The following WDR33 variants were observed in gnomAD, a reference collection of about 807,000 sequenced individuals.
The protein encoded by WDR33 is pre-mRNA 3' end processing protein WDR33.
In WDR33, 47 loss-of-function variants were observed where a neutral mutation model predicts 164.9. The observed-to-expected ratio is 0.29, with a 90% CI of 0.23 to 0.36. WDR33 has a LOEUF of 0.36. WDR33 is among the 10% of genes least tolerant of loss of function. WDR33 has a pLI of 1.00. For missense variants in WDR33, 1,137 were observed against 1,754.1 expected, an observed-to-expected ratio of 0.65 and a Z score of 6.28; for synonymous variants, 505 against 589.0, an observed-to-expected ratio of 0.86 and a Z score of 2.06.
At chr2:127,760,660 C>G (rs1245974375) in intron 7 of WDR33, among the ~76,000 whole-genome samples, 2 of 152,170 alleles carry the variant, frequency 1.3e-5, no homozygotes, top group African/African-American at 2.4e-5. Context: ...CTACAGCAGA[C>G]CTGCTATCAG....
Position 127,719,285 on chromosome 2 carries a change from G to A in WDR33, c.2740C>T (p.Pro914Ser), listed in dbSNP as rs745318103. 10 of 1,447,064 alleles carry A rather than the reference G, an allele frequency of 6.9e-6. No homozygotes were observed. The highest frequency in any genetic ancestry group is 9.1e-6 in the Non-Finnish European group (10 of 1,098,634). The allele number at this position is 1,447,064 out of a possible 1,614,324, so 89.6% of individuals were successfully genotyped here. A position where few individuals can be genotyped will look rare whatever the true frequency, so the allele number is the denominator to read the frequency against. The change falls in exon 16 of 22, where the codon CCC becomes TCC. Residue 914 changes from proline (P) to serine (S), a missense_variant. Pro to Ser is a moderately conservative substitution (Grantham distance 74). Around this residue, in one of 9 missense-constraint regions of WDR33, gnomAD observed 867 missense variants for 1,073.0 expected, o/e 0.81. Coordinates refer to ENST00000322313, the MANE Select transcript of WDR33 (RefSeq NM_018383.5). The surrounding 1 kb of genome is among the most constrained non-coding windows in gnomAD (Gnocchi z 6.5). ...QQKTPLLGDGPRAPFNQEGQS... is the reference protein window; with the variant it reads ...QQKTPLLGDGSRAPFNQEGQS... Reference sequence around the variant, plus strand: ...AATACCTGGTTGAAGGGGGCCCGGGGCCCATCACCTAGCAGAGGCGTTTTC... The same window carrying A: ...AATACCTGGTTGAAGGGGGCCCGGGACCCATCACCTAGCAGAGGCGTTTTC...
intron 1 of WDR33, among the ~76,000 whole-genome samples, chr2:127,773,354 G>C (rs1234263141): frequency 1.3e-5 from 2 of 152,042 alleles, no homozygotes; most frequent in Non-Finnish European, 2.9e-5. Flanking sequence ...ATTCTTGGTA[G>C]TACTTCATTC....
At chr2:127,742,112 G>A (rs1305566164) in intron 7 of WDR33, among the ~76,000 whole-genome samples, 18 of 152,122 alleles carry the variant, frequency 1.2e-4, no homozygotes, top group Admixed American at 1.2e-3. Context: ...TGAGGCAGGA[G>A]AAACACTTGA....
At chr2:127,776,426 A>G (rs182893815) in intron 1 of WDR33, among the ~76,000 whole-genome samples, 119 of 152,324 alleles carry the variant, frequency 7.8e-4, no homozygotes, top group African/African-American at 2.7e-3. Context: ...CTCTCCTTCA[A>G]CAGAGGTTGA....
intron 1 of WDR33, among the ~76,000 whole-genome samples, chr2:127,779,169 T>TAAAAA (rs70985476): frequency 1.5e-4 from 22 of 146,354 alleles, no homozygotes; most frequent in African/African-American, 5.0e-4. Context: ...TTTTAATAAT[T>TAAAAA]AAAAAAAAAA....
chr2:127,770,037 C>G lies in WDR33; in HGVS notation c.204+741G>C, dbSNP rs1036379674. ...TTTCCTGACTCTAAGAAATACCTAC[C>G]ACCAGGGCTTGGAAGTGGGAGAATC... is the stretch of plus-strand genomic sequence containing the variant. On this transcript the variant is annotated intron_variant, in intron 2 of 21. Transcript: ENST00000322313. The surrounding 1 kb of genome is among the most constrained non-coding windows in gnomAD (Gnocchi z 4.9). Among the ~76,000 whole-genome samples the G allele has an allele frequency of 6.6e-6, 1 of 152,150 alleles. No individual in the cohort carries two copies. Among genetic ancestry groups the G allele is most frequent in the Non-Finnish European group, 1.5e-5 (1 of 68,032 alleles).
At chr2:127,755,952 C>G (rs1331349097) in intron 7 of WDR33, among the ~76,000 whole-genome samples, 1 of 152,108 alleles carries the variant, frequency 6.6e-6, no homozygotes, top group Non-Finnish European at 1.5e-5. Context: ...CGTGACAAAA[C>G]AAACAGAAAT....
intron 7 of WDR33, among the ~76,000 whole-genome samples, chr2:127,752,711 T>C (rs1162984082): frequency 6.6e-6 from 1 of 151,570 alleles, no homozygotes; most frequent in Non-Finnish European, 1.5e-5. Flanking sequence ...CTGGTTGATA[T>C]GGTATTTCAT....
At chr2:127,809,611 T>C (rs1258190134) in intron 1 of WDR33, among the ~76,000 whole-genome samples, 1 of 152,020 alleles carries the variant, frequency 6.6e-6, no homozygotes, top group Admixed American at 6.6e-5. Flanking sequence ...AATTTTTGTA[T>C]TTTTAGTAGA....
At chr2:127,780,059 C>T (rs1412905620) in intron 1 of WDR33, among the ~76,000 whole-genome samples, 5 of 151,080 alleles carry the variant, frequency 3.3e-5, no homozygotes, top group Non-Finnish European at 7.4e-5. Context: ...CTGCAAGCTC[C>T]GCCTCCCGGG....
At position 127,725,109 on chromosome 2, in the gene WDR33, G is replaced by A; in HGVS notation, c.958C>T (p.Leu320=). ...CGGAAGACTTGAAGCTCTTCTTTTA[G>A]GTTTCTGATATCAAAAAGTTTACAG... ...HLCKLFDIRN[L]KEELQVFRGH... is the part of the protein sequence containing the mutation. Residue 320 remains leucine, a synonymous_variant, in exon 9 of 22, where the codon CTA becomes TTA. Transcript: ENST00000322313. 4 of 1,613,696 alleles carry A rather than the reference G, an allele frequency of 2.5e-6. No individual in the cohort carries two copies. The highest frequency in any genetic ancestry group is 1.6e-4 in the Middle Eastern group (1 of 6,062).
At chr2:127,750,704 A>ATATC (rs1687320776) in intron 7 of WDR33, among the ~76,000 whole-genome samples, 2 of 63,832 alleles carry the variant, frequency 3.1e-5, no homozygotes, top group African/African-American at 1.7e-4. Flanking sequence ...ATATATATAT[A>ATATC]TATATATATG....
chr2:127,752,092 T>C (rs567753407), intron 7 of WDR33, among the ~76,000 whole-genome samples: 1 of 152,292 alleles, frequency 6.6e-6, no homozygotes, highest in East Asian at 1.9e-4. Context: ...GTATAGTACA[T>C]TTGCCCCAAG....
At chr2:127,800,991 T>A (rs1319219984) in intron 1 of WDR33, among the ~76,000 whole-genome samples, 1 of 151,566 alleles carries the variant, frequency 6.6e-6, no homozygotes, top group African/African-American at 2.4e-5. Flanking sequence ...AGGATGGGCA[T>A]AGTGGCTCAT....
chr2:127,727,387 A>T (rs1182589330), intron 7 of WDR33, among the ~76,000 whole-genome samples: 1 of 152,188 alleles, frequency 6.6e-6, no homozygotes, highest in Non-Finnish European at 1.5e-5. Flanking sequence ...GCTATATTTT[A>T]GGCAGTGTAA....
Position 127,763,866 on chromosome 2 carries a change from C to G in WDR33, c.627-707G>C. The stretch of plus-strand genomic sequence containing the variant: ...TAAAAACTCCCTTGAACTTTGGAAT[C>G]CTATGAAGGACCAGCTGTGTAAACT... On this transcript the variant is annotated intron_variant, in intron 6 of 21. Transcript: ENST00000322313. The surrounding 1 kb of genome is among the most constrained non-coding windows in gnomAD (Gnocchi z 4.5). 2 of 985,578 alleles carry G rather than the reference C, an allele frequency of 2.0e-6. No homozygotes were observed. The highest frequency in any genetic ancestry group is 2.4e-6 in the Non-Finnish European group (2 of 830,066). The allele number at this position is 985,578 out of a possible 1,614,324, so 61.1% of individuals were successfully genotyped here. A position where few individuals can be genotyped will look rare whatever the true frequency, so the allele number is the denominator to read the frequency against.
intron 7 of WDR33, among the ~76,000 whole-genome samples, chr2:127,761,868 C>T (rs559491645): frequency 2.0e-5 from 3 of 152,166 alleles, no homozygotes; most frequent in Non-Finnish European, 4.4e-5. Flanking sequence ...TACAGTCATA[C>T]AGTACTGTGG....
intron 1 of WDR33, among the ~76,000 whole-genome samples, chr2:127,789,583 C>G (rs995417568): frequency 2.1e-4 from 32 of 149,836 alleles, no homozygotes; most frequent in African/African-American, 6.8e-4. Context: ...GGCAGGCACT[C>G]GGCAGGCTGA....
At chr2:127,729,956 G>A (rs1573894201) in intron 7 of WDR33, among the ~76,000 whole-genome samples, 1 of 152,014 alleles carries the variant, frequency 6.6e-6, no homozygotes, top group East Asian at 1.9e-4. Flanking sequence ...AAAAACAGAG[G>A]GACACACACC....
Sources: gnomAD v4.1 joint callset for allele counts (sites outside exome capture counted in the v4.1 genomes callset) on GRCh38, gnomAD v4.1.1 for gene constraint, gnomAD v4.1.1 regional missense constraint, Gnocchi (gnomAD v3.1) non-coding constraint, MANE v1.5 for transcripts, NCBI Gene and HGNC (gene_info 2026-07-23, HGNC 2026-07-21) for gene names.